Variants in NUP62CL observed in about 807,000 individuals in gnomAD.
NUP62CL encodes nucleoporin 62 C-terminal like.
In NUP62CL, 13 loss-of-function variants were observed where a neutral mutation model predicts 15.3. That is an observed-to-expected ratio of 0.85 (90% CI 0.55 to 1.35). NUP62CL has a LOEUF of 1.35. NUP62CL is among the 40% of genes most tolerant of loss of function. NUP62CL has a pLI of 0.00. For missense variants in NUP62CL, 123 were observed against 130.6 expected, an observed-to-expected ratio of 0.94 and a Z score of 0.28; for synonymous variants, 54 against 49.2, an observed-to-expected ratio of 1.10 and a Z score of -0.41.
chrX:107,142,689 T>C (rs1398992802), intron 8 of NUP62CL, among the ~76,000 whole-genome samples: 1 of 111,882 alleles, frequency 8.9e-6, no homozygotes, highest in African/African-American at 3.3e-5. Flanking sequence ...TCACCCCATG[T>C]TGCCTCTCTA....
intron 8 of NUP62CL, among the ~76,000 whole-genome samples, chrX:107,138,100 A>G (rs953112318): frequency 2.3e-4 from 26 of 111,701 alleles, no homozygotes; most frequent in Non-Finnish European, 4.1e-4. Context: ...TGGTGCTGGA[A>G]CAACTGGATA....
chrX:107,170,871 G>A (rs1342347129), intron 3 of NUP62CL, among the ~76,000 whole-genome samples: 1 of 111,900 alleles, frequency 8.9e-6, no homozygotes, highest in Admixed American at 9.5e-5. Flanking sequence ...TTACAACTTT[G>A]GTCTTAACCA....
At chrX:107,131,399 G>C (rs183152990) in intron 8 of NUP62CL, among the ~76,000 whole-genome samples, 27 of 111,668 alleles carry the variant, frequency 2.4e-4, no homozygotes, top group African/African-American at 8.5e-4. Flanking sequence ...AAAATAAGGA[G>C]TTTAGTTTTA....
intron 4 of NUP62CL, among the ~76,000 whole-genome samples, chrX:107,161,016 C>A (rs370687841): frequency 1.8e-5 from 2 of 111,888 alleles, no homozygotes; most frequent in Non-Finnish European, 3.8e-5. Flanking sequence ...ATGCAGCCAA[C>A]AGACACATGA....
intron 1 of NUP62CL, among the ~76,000 whole-genome samples, chrX:107,198,779 G>A (rs1160465051): frequency 2.7e-5 from 3 of 111,955 alleles, no homozygotes; most frequent in Non-Finnish European, 3.8e-5. Context: ...GGAAACTCCG[G>A]ACACACCATC....
intron 4 of NUP62CL, among the ~76,000 whole-genome samples, chrX:107,163,889 T>C (rs969164017): frequency 9.0e-6 from 1 of 110,778 alleles, no homozygotes; most frequent in African/African-American, 3.3e-5. Context: ...AAGGGAGAAA[T>C]AGAGAAATCC....
intron 1 of NUP62CL, among the ~76,000 whole-genome samples, chrX:107,203,654 A>G (rs1037465552): frequency 1.8e-5 from 2 of 111,571 alleles, no homozygotes; most frequent in Admixed American, 1.9e-4. Flanking sequence ...TGCTGTTAAT[A>G]ATGCAAAATA....
intron 8 of NUP62CL, among the ~76,000 whole-genome samples, chrX:107,127,237 T>C (rs1257587200): frequency 9.0e-6 from 1 of 111,107 alleles, no homozygotes; most frequent in Non-Finnish European, 1.9e-5. Context: ...CTACATAAAC[T>C]CTCCAGAAAA....
intron 8 of NUP62CL, among the ~76,000 whole-genome samples, chrX:107,133,823 G>A (rs767819294): frequency 8.9e-6 from 1 of 111,939 alleles, no homozygotes; most frequent in African/African-American, 3.2e-5. Flanking sequence ...CTGTGGTCCC[G>A]GCTACTCAGG....
At chrX:107,157,102 A>G (rs1390444451) in intron 4 of NUP62CL, among the ~76,000 whole-genome samples, 2 of 109,397 alleles carry the variant, frequency 1.8e-5, no homozygotes, top group Non-Finnish European at 3.8e-5. Flanking sequence ...GAAATGAGCA[A>G]AGCCTCCAAG....
intron 4 of NUP62CL, among the ~76,000 whole-genome samples, chrX:107,165,185 G>C (rs897354263): frequency 1.5e-4 from 17 of 110,542 alleles, no homozygotes; most frequent in African/African-American, 4.9e-4. Flanking sequence ...TGTAATCCCA[G>C]CTACTCAGGA....
At chrX:107,159,520 AG>A (rs1198230987) in intron 4 of NUP62CL, among the ~76,000 whole-genome samples, 1 of 75,735 alleles carries the variant, frequency 1.3e-5, no homozygotes, top group Non-Finnish European at 2.4e-5. Flanking sequence ...ACAGAGCCAA[AG>A]ACAAAAATCA....
intron 2 of NUP62CL, among the ~76,000 whole-genome samples, chrX:107,188,313 T>C (rs937255014): frequency 2.7e-5 from 3 of 111,794 alleles, no homozygotes; most frequent in Non-Finnish European, 3.8e-5. Context: ...TTAGGGCCAG[T>C]TGATGTAATT....
Position 107,199,582 on chromosome X carries a change from A to C in NUP62CL, c.-91-6510T>G, listed in dbSNP as rs146008335. On this transcript the variant is annotated intron_variant, in intron 1 of 8. Coordinates refer to ENST00000372466, the MANE Select transcript of NUP62CL (RefSeq NM_017681.3). ...CTAGTTTCTTAGAAGCAAATAGACT[A>C]TTCTTCTTTAGAGGCAACATTTTCC... Among the ~76,000 whole-genome samples, 38 of 112,298 alleles carry C rather than the reference A, an allele frequency of 3.4e-4. No homozygotes were observed. In the East Asian group the frequency reaches 0.01, roughly 31 times the overall value.
intron 3 of NUP62CL, among the ~76,000 whole-genome samples, chrX:107,171,013 C>T (rs1926639441): frequency 8.9e-6 from 1 of 112,185 alleles, no homozygotes; most frequent in African/African-American, 3.2e-5. Flanking sequence ...AAATATTCTA[C>T]TATCAAATTT....
intron 2 of NUP62CL, among the ~76,000 whole-genome samples, chrX:107,181,001 C>T (rs752341674): frequency 1.9e-5 from 2 of 104,192 alleles, no homozygotes; most frequent in South Asian, 4.8e-4. Context: ...ACTGCAACCT[C>T]CGCCTCCTGG....
In NUP62CL at chrX:107,167,772, G is replaced by T. The variant is rs763774979; in HGVS notation, c.71C>A (p.Thr24Lys). 1 of 1,191,559 alleles carries T rather than the reference G, an allele frequency of 8.4e-7. No individual in the cohort carries two copies. Among genetic ancestry groups the T allele is most frequent in the Non-Finnish European group, 1.1e-6 (1 of 879,116 alleles). ...GGTGGTGAAAGTGGCGGTGGTAGTCGTTGAAGTTGTAACTGGAAAATAAAG... is the reference window on the plus strand; with the variant it reads ...GGTGGTGAAAGTGGCGGTGGTAGTCTTTGAAGTTGTAACTGGAAAATAAAG... ...AAIGLSFTTS[T>K]TTTATFTTNT... The change falls in exon 4 of 9, where the codon ACG becomes AAG. Residue 24 changes from threonine to lysine, a missense_variant. Thr to Lys is a moderately conservative substitution (Grantham distance 78, BLOSUM62 -1). Transcript: ENST00000372466.
chrX:107,204,218 C>T (rs1228219269), intron 1 of NUP62CL, among the ~76,000 whole-genome samples: 1 of 111,162 alleles, frequency 9.0e-6, no homozygotes, highest in East Asian at 2.8e-4. Context: ...ATTGCGGCTG[C>T]TATCAAGGCA....
chrX:107,167,597 T>C lies in NUP62CL; in HGVS notation c.194+52A>G, dbSNP rs1926546540. ...TAAAGTTATCCAAGCAAATGTCTTG[T>C]ACATGATAAATAAAATGAAACACAT... is the stretch of plus-strand genomic sequence containing the variant. On this transcript the variant is annotated intron_variant, in intron 4 of 8. Coordinates refer to ENST00000372466, the MANE Select transcript of NUP62CL (RefSeq NM_017681.3). 5 of 930,506 alleles carry C rather than the reference T, an allele frequency of 5.4e-6. No individual in the cohort carries two copies. The South Asian group carries it at 9.6e-5, about 18-fold the overall frequency. 76.7% of individuals were successfully genotyped at this position (930,506 alleles called of 1,213,427 possible).
Sources: gnomAD v4.1 joint callset for allele counts (sites outside exome capture counted in the v4.1 genomes callset) on GRCh38, gnomAD v4.1.1 for gene constraint, MANE v1.5 for transcripts, NCBI Gene and HGNC (gene_info 2026-07-23, HGNC 2026-07-21) for gene names.